The following GRIA4 variants were observed in gnomAD, a reference collection of about 807,000 sequenced individuals.
GRIA4 encodes glutamate receptor 4.
Under a neutral mutation model 104.0 loss-of-function variants are expected in GRIA4, and 34 were observed. The observed-to-expected ratio is 0.33, with a 90% CI of 0.25 to 0.44. The LOEUF (loss-of-function observed/expected upper bound fraction) is 0.44, where lower values mean the gene tolerates loss of function less well. Among genes scored for constraint, GRIA4 ranks in the 20% least tolerant of loss-of-function variants. The pLI is 1.00. For missense variants in GRIA4, 750 were observed against 1,096.5 expected (o/e 0.68, Z 4.46); for synonymous variants, 386 against 381.9 (o/e 1.01, Z -0.13).
chr11:105,636,077 T>C (rs565281440), intron 3 of GRIA4, among the ~76,000 whole-genome samples: 1 of 152,298 alleles, frequency 6.6e-6, no homozygotes, highest in East Asian at 1.9e-4. Context: ...AGTGTATTTA[T>C]AATCCATGAG....
chr11:105,855,598 G>T (rs1302035247), intron 4 of GRIA4, among the ~76,000 whole-genome samples: 1 of 151,988 alleles, frequency 6.6e-6, no homozygotes, highest in East Asian at 1.9e-4. Flanking sequence ...TTAGTCTTTT[G>T]CTATTTGAGT....
chr11:105,820,868 C>G (rs533584322), intron 4 of GRIA4, among the ~76,000 whole-genome samples: 154 of 152,272 alleles, frequency 1.0e-3, no homozygotes, highest in Middle Eastern at 3.4e-3. Context: ...TCCTGATTTA[C>G]ATATGCCATA....
At chr11:105,968,825 A>G (rs1858532869) in intron 14 of GRIA4, among the ~76,000 whole-genome samples, 1 of 152,232 alleles carries the variant, frequency 6.6e-6, no homozygotes, top group African/African-American at 2.4e-5. Context: ...TCTAAAATGT[A>G]TTCTCCACTT....
chr11:105,641,843 G>T (rs910390696), intron 3 of GRIA4, among the ~76,000 whole-genome samples: 13 of 152,170 alleles, frequency 8.5e-5, no homozygotes, highest in African/African-American at 2.7e-4. Context: ...AAGTACCACA[G>T]ACTGTGGCTT....
intron 3 of GRIA4, among the ~76,000 whole-genome samples, chr11:105,712,107 T>C (rs1170682305): frequency 6.6e-6 from 1 of 152,088 alleles, no homozygotes; most frequent in Non-Finnish European, 1.5e-5. Context: ...AATCATTATA[T>C]AGATATATGA....
Position 105,622,552 on chromosome 11 carries a change from C to CT in GRIA4, c.247+10127dup, listed in dbSNP as rs111605604. Among the ~76,000 whole-genome samples the CT allele has an allele frequency of 2.6e-3, 390 of 150,844 alleles. 1 individual carries two copies. The highest frequency in any genetic ancestry group is 3.1e-3 in the Non-Finnish European group (210 of 67,488). On this transcript the variant is annotated intron_variant, in intron 3 of 16. Transcript: ENST00000282499. ...ATAGTCTTGCTTCTTCTATTATTTC[C>CT]TTTTTTTTTCTTTCTTCTGATTGTC...
chr11:105,752,997 T>A lies in GRIA4; in HGVS notation c.264T>A (p.Ser88=), dbSNP rs1359695030. ...TTGTTTCAGTCTGTTCCCAGTATTC[T>A]AGAGGAGTATTTGCCATTTTTGGAC... ...AVTNAFCSQY[S]RGVFAIFGLY... The change falls in exon 4 of 17, where the codon TCT becomes TCA. Residue 88 remains serine (S), a synonymous_variant. Transcript: ENST00000282499. The A allele has an allele frequency of 1.9e-6, 3 of 1,613,138 alleles. No individual in the cohort carries two copies. The highest frequency in any genetic ancestry group is 2.5e-6 in the Non-Finnish European group (3 of 1,179,220).
At chr11:105,749,760 A>G (rs1939886015) in intron 3 of GRIA4, among the ~76,000 whole-genome samples, 1 of 152,152 alleles carries the variant, frequency 6.6e-6, no homozygotes, top group African/African-American at 2.4e-5. Flanking sequence ...TGTTTATTGT[A>G]TGTCTCTATT....
intron 3 of GRIA4, among the ~76,000 whole-genome samples, chr11:105,644,446 A>G (rs991189881): frequency 3.2e-4 from 48 of 151,860 alleles, no homozygotes; most frequent in African/African-American, 1.1e-3. Context: ...ACAAAAAAAA[A>G]AAAAAAAATT....
intron 10 of GRIA4, among the ~76,000 whole-genome samples, chr11:105,914,400 A>G (rs1947341140): frequency 6.6e-6 from 1 of 152,072 alleles, no homozygotes; most frequent in African/African-American, 2.4e-5. Context: ...AGTAATTGTA[A>G]TAATTATATT....
At chr11:105,814,317 ATATAC>A (rs945481538) in intron 4 of GRIA4, among the ~76,000 whole-genome samples, 2 of 152,182 alleles carry the variant, frequency 1.3e-5, no homozygotes, top group Admixed American at 6.5e-5. Context: ...CTAGTAATTA[ATATAC>A]TATTATTTAT....
rs543609350 is a variant in GRIA4 at position 105,782,659 on chromosome 11, T to C, written c.487+29439T>C. ...AGAAACACAATCTTAACCTGAAGACTGCATTGAACAGAGAAAGGGGTGTGG... is the reference window on the plus strand; with the variant it reads ...AGAAACACAATCTTAACCTGAAGACCGCATTGAACAGAGAAAGGGGTGTGG... On this transcript the variant is annotated intron_variant, in intron 4 of 16. Coordinates refer to ENST00000282499, the MANE Select transcript of GRIA4 (RefSeq NM_000829.4). Among the ~76,000 whole-genome samples, 5 of 152,318 alleles carry C rather than the reference T, an allele frequency of 3.3e-5. No individual in the cohort carries two copies. The East Asian group carries it at 9.6e-4, about 29-fold the overall frequency.
chr11:105,976,259 T>C (rs1259564344), intron 16 of GRIA4, among the ~76,000 whole-genome samples: 1 of 151,906 alleles, frequency 6.6e-6, no homozygotes, highest in Non-Finnish European at 1.5e-5. Context: ...GGTACAAGGG[T>C]GGGGAAGCAA....
chr11:105,660,335 G>T (rs955216053), intron 3 of GRIA4, among the ~76,000 whole-genome samples: 4 of 151,592 alleles, frequency 2.6e-5, no homozygotes, highest in Admixed American at 6.6e-5. Flanking sequence ...AAGAATAGCA[G>T]CAGAATTCTC....
chr11:105,962,829 T>C (rs893589829), intron 14 of GRIA4, among the ~76,000 whole-genome samples: 9 of 152,166 alleles, frequency 5.9e-5, no homozygotes, highest in African/African-American at 2.2e-4. Flanking sequence ...TGGAAAGCAA[T>C]TCATTTCAAC....
intron 4 of GRIA4, among the ~76,000 whole-genome samples, chr11:105,843,513 G>A (rs1944469177): frequency 6.6e-6 from 1 of 152,108 alleles, no homozygotes; most frequent in African/African-American, 2.4e-5. Context: ...CAAACCAACT[G>A]TATCACCTGT....
At chr11:105,929,576 C>T (rs927512220) in intron 13 of GRIA4, among the ~76,000 whole-genome samples, 4 of 152,140 alleles carry the variant, frequency 2.6e-5, no homozygotes, top group Non-Finnish European at 5.9e-5. Flanking sequence ...ATCTTCATTT[C>T]AATGCAGTTT....
intron 6 of GRIA4, among the ~76,000 whole-genome samples, chr11:105,892,417 C>T (rs1217935897): frequency 6.6e-6 from 1 of 152,040 alleles, no homozygotes; most frequent in Non-Finnish European, 1.5e-5. Context: ...ACAAAATGTT[C>T]TGGATATATA....
chr11:105,671,244 A>G (rs1325245524), intron 3 of GRIA4, among the ~76,000 whole-genome samples: 1 of 152,100 alleles, frequency 6.6e-6, no homozygotes, highest in Non-Finnish European at 1.5e-5. Flanking sequence ...GGACCATTCT[A>G]CCTACCATGG....
Sources: gnomAD v4.1 joint callset for allele counts (sites outside exome capture counted in the v4.1 genomes callset) on GRCh38, gnomAD v4.1.1 for gene constraint, MANE v1.5 for transcripts, NCBI Gene and HGNC (gene_info 2026-07-23, HGNC 2026-07-21) for gene names.